GSE1: variants seen among roughly 807,000 people sequenced by gnomAD.
GSE1 encodes the protein Gse1 coiled-coil protein, also known as genetic suppressor element 1.
In GSE1, 32 loss-of-function variants were observed where a neutral mutation model predicts 112.6. The observed-to-expected ratio is 0.28, with a 90% CI of 0.21 to 0.38. The LOEUF is 0.38. Among genes scored for constraint, GSE1 ranks in the 10% least tolerant of loss-of-function variants. The pLI, the probability that GSE1 is intolerant of heterozygous loss-of-function variation, is 1.00. For synonymous variants in GSE1, 1,115 were observed against 735.6 expected, an observed-to-expected ratio of 1.52 and a Z score of -8.35; for missense variants, 2,348 against 1,699.2, an observed-to-expected ratio of 1.38 and a Z score of -6.71.
chr16:85,665,897 G>C, intron 12 of GSE1, 79 bp from the exon 13 acceptor site: 2 of 1,389,924 alleles, frequency 1.4e-6, no homozygotes, highest in Non-Finnish European at 2.0e-6. Context: ...GTAAGCTCTA[G>C]AGACCAGGAT....
chr16:85,558,485 A>T (rs1358968186), intron 1 of GSE1, among the ~76,000 whole-genome samples: 3 of 152,154 alleles, frequency 2.0e-5, no homozygotes, highest in African/African-American at 7.2e-5. Flanking sequence ...ACACAGGGAG[A>T]CTCAGAAAGA....
chr16:85,309,078 C>T (rs2045758431), intron 1 of GSE1, among the ~76,000 whole-genome samples: 1 of 151,572 alleles, frequency 6.6e-6, no homozygotes, highest in Admixed American at 6.6e-5. Context: ...CTGACAGGCT[C>T]TGAGGGGCTG....
At chr16:85,253,123 G>A (rs1165453991) in intron 1 of GSE1, among the ~76,000 whole-genome samples, 3 of 144,222 alleles carry the variant, frequency 2.1e-5, no homozygotes, top group South Asian at 2.2e-4. Flanking sequence ...ATGCTGTGAC[G>A]GGGAGAGCAT....
At chr16:85,381,513 T>C (rs1274048107) in intron 2 of GSE1, among the ~76,000 whole-genome samples, 1 of 152,226 alleles carries the variant, frequency 6.6e-6, no homozygotes, top group Non-Finnish European at 1.5e-5. Flanking sequence ...CTTTTCATTT[T>C]GTTTAACAAG....
At chr16:85,504,516 C>G (rs1032625697) in intron 2 of GSE1, among the ~76,000 whole-genome samples, 1 of 152,132 alleles carries the variant, frequency 6.6e-6, no homozygotes, top group Non-Finnish European at 1.5e-5. Context: ...AGGTAGCATA[C>G]GGTTAGTGTG....
chr16:85,390,112 T>C (rs541266888), intron 2 of GSE1, among the ~76,000 whole-genome samples: 2 of 152,368 alleles, frequency 1.3e-5, no homozygotes, highest in East Asian at 1.9e-4. Context: ...AAATTATTTA[T>C]TTGTAGTTAT....
At chr16:85,380,096 T>C (rs73257360) in intron 2 of GSE1, among the ~76,000 whole-genome samples, 6,968 of 152,260 alleles carry the variant, frequency 0.046, 518 homozygotes, top group African/African-American at 0.16. Flanking sequence ...GTCATAACTC[T>C]CTAATTTGAA....
intron 2 of GSE1, among the ~76,000 whole-genome samples, chr16:85,488,763 G>A (rs867609724): frequency 1.3e-5 from 2 of 152,210 alleles, no homozygotes; most frequent in Non-Finnish European, 2.9e-5. Context: ...CTGCCTCTGG[G>A]AGAAGCTTGA....
rs118012436 is a variant in GSE1 at position 85,241,485 on chromosome 16, G to A, written c.2283+69678G>A. ...TACACCAGGGAAATGGGCGGGTACT[G>A]CAAGCTGGAGTTGGTTATTTTTTTT... On this transcript the variant is annotated intron_variant, in intron 1 of 2. Transcript: ENST00000637419. 9.4e-3 allele frequency among the ~76,000 whole-genome samples: 1,435 copies of A among 152,354 alleles called. 11 individuals carry two copies. Among genetic ancestry groups the A allele is most frequent in the Non-Finnish European group, 0.015 (1,004 of 68,034 alleles).
chr16:85,468,416 A>G (rs1234846786), intron 2 of GSE1, among the ~76,000 whole-genome samples: 1 of 148,772 alleles, frequency 6.7e-6, no homozygotes, highest in Admixed American at 6.8e-5. Context: ...TCCTGGGTTC[A>G]AGTGATTATT....
At chr16:85,358,521 A>G (rs1400382789) in intron 2 of GSE1, among the ~76,000 whole-genome samples, 1 of 152,006 alleles carries the variant, frequency 6.6e-6, no homozygotes, top group Non-Finnish European at 1.5e-5. Flanking sequence ...GTGGGTCCAA[A>G]GCACCCCATG....
Position 85,666,379 on chromosome 16 carries a change from C to T in GSE1, c.3130+32C>T, listed in dbSNP as rs373430226. 4.4e-5 allele frequency: 71 copies of T among 1,611,670 alleles called. 1 individual carries two copies. Among genetic ancestry groups the T allele is most frequent in the African/African-American group, 4.4e-4 (33 of 75,010 alleles). ...AGGCTGCCAGTCCCTGCTCAGCTCT[C>T]GGCTGTGGTTGAGGCTGACCAAAGT... On this transcript the variant is annotated intron_variant, in intron 13 of 15. Transcript: ENST00000253458.
chr16:85,182,014 C>T (rs1197991588), intron 1 of GSE1, among the ~76,000 whole-genome samples: 1 of 152,206 alleles, frequency 6.6e-6, no homozygotes, highest in Non-Finnish European at 1.5e-5. Flanking sequence ...ACCCAGGAGC[C>T]TCTGGACAAG....
intron 14 of GSE1, chr16:85,670,739 A>C (rs1029491795): frequency 3.8e-6 from 1 of 266,138 alleles, no homozygotes; most frequent in Non-Finnish European, 7.0e-6. Flanking sequence ...ATTTCTTCCT[A>C]ATCTGTATCA....
intron 1 of GSE1, among the ~76,000 whole-genome samples, chr16:85,340,346 T>C (rs1304564158): frequency 6.6e-6 from 1 of 152,080 alleles, no homozygotes; most frequent in Non-Finnish European, 1.5e-5. Flanking sequence ...TGAGACCCTG[T>C]CTTAAAAACA....
chr16:85,633,568 C>T (rs559185093), intron 1 of GSE1, among the ~76,000 whole-genome samples: 3 of 152,212 alleles, frequency 2.0e-5, no homozygotes, highest in African/African-American at 7.2e-5. Context: ...TCCTTCCCCA[C>T]GCCATTTGAT....
intron 2 of GSE1, among the ~76,000 whole-genome samples, chr16:85,376,409 G>A (rs886194715): frequency 2.0e-5 from 3 of 152,248 alleles, no homozygotes; most frequent in African/African-American, 7.2e-5. Flanking sequence ...GCCCATTAGG[G>A]CTGGGCTGGG....
chr16:85,416,700 C>T (rs1366209775), intron 2 of GSE1, among the ~76,000 whole-genome samples: 3 of 152,222 alleles, frequency 2.0e-5, no homozygotes, highest in East Asian at 1.9e-4. Flanking sequence ...ACCCAAGAGT[C>T]CCTGGCAAAA....
At position 85,661,316 on chromosome 16, in the gene GSE1, C is replaced by T. The variant is rs755924242; in HGVS notation, c.1811C>T (p.Ser604Phe). The T allele has an allele frequency of 1.2e-6, 2 of 1,612,690 alleles. No homozygotes were observed. The highest frequency in any genetic ancestry group is 1.7e-6 in the Non-Finnish European group (2 of 1,179,894). Reference protein sequence around the residue: ...TLETRRAESHSLHSHPAAFEP... With the variant: ...TLETRRAESHFLHSHPAAFEP... ...GAGACGCGGCGGGCCGAAAGCCACT[C>T]TCTGCACAGCCACCCGGCTGCATTT... The change falls in exon 9 of 16, where the codon TCT becomes TTT. Residue 604 changes from serine to phenylalanine, a missense_variant. Coordinates refer to ENST00000253458, the MANE Select transcript of GSE1 (RefSeq NM_014615.5).
Sources: gnomAD v4.1 joint callset for allele counts (sites outside exome capture counted in the v4.1 genomes callset) on GRCh38, gnomAD v4.1.1 for gene constraint, MANE v1.5 for transcripts, NCBI Gene and HGNC (gene_info 2026-07-23, HGNC 2026-07-21) for gene names.